The following SNAP25 variants were observed in gnomAD, a reference collection of about 807,000 sequenced individuals.
SNAP25 encodes the protein synaptosome associated protein 25.
SNAP25 carries 3 observed loss-of-function variants against 28.7 expected under a neutral mutation model. The ratio of observed to expected loss-of-function variants is 0.10; its 90% CI spans 0.05 to 0.27. SNAP25 has a LOEUF of 0.27. Ranked by LOEUF, SNAP25 falls within the 10% of genes least tolerant of loss-of-function variation. The pLI is 1.00. For missense variants in SNAP25, 117 were observed against 278.7 expected (o/e 0.42, Z 4.13); for synonymous variants, 61 against 88.1 (o/e 0.69, Z 1.72).
chr20:10,239,300 C>A (rs2062981694), intron 1 of SNAP25, among the ~76,000 whole-genome samples: 1 of 152,184 alleles, frequency 6.6e-6, no homozygotes, highest in African/African-American at 2.4e-5. Context: ...GAATTTCATG[C>A]ACACATATAT....
intron 1 of SNAP25, among the ~76,000 whole-genome samples, chr20:10,229,309 G>A (rs145255132): frequency 1.6e-3 from 243 of 152,178 alleles, no homozygotes; most frequent in African/African-American, 5.2e-3. Context: ...GTGTGCACAT[G>A]TGTTTTTGTA....
intron 7 of SNAP25, among the ~76,000 whole-genome samples, chr20:10,304,965 C>A (rs571018305): frequency 4.3e-4 from 66 of 152,278 alleles, no homozygotes; most frequent in Middle Eastern, 3.4e-3. Context: ...TAATTTTATA[C>A]AATTATGATT....
rs1278243837 is a variant in SNAP25, at chr20:10,275,560, T to C, written c.69T>C (p.Asp23=). Reference sequence around the variant, plus strand: ...AGCGAAGGGCTGACCAGTTGGCTGATGAGGTAAGGAGTGGAGACCTAGGAA... The same window carrying C: ...AGCGAAGGGCTGACCAGTTGGCTGACGAGGTAAGGAGTGGAGACCTAGGAA... ...EMQRRADQLA[D]ESLESTRRML... The change falls in exon 2 of 8, where the codon GAT becomes GAC. Residue 23 remains aspartate (D), a synonymous_variant. Transcript: ENST00000254976. 3 of 1,598,108 alleles carry C rather than the reference T, an allele frequency of 1.9e-6. No individual in the cohort carries two copies. Among genetic ancestry groups the C allele is most frequent in the East Asian group, 2.2e-5 (1 of 44,504 alleles).
chr20:10,226,922 G>A (rs942503534), intron 1 of SNAP25, among the ~76,000 whole-genome samples: 3 of 152,044 alleles, frequency 2.0e-5, no homozygotes, highest in African/African-American at 7.2e-5. Context: ...TGCCGCTCAT[G>A]GGAGGAAGGG....
chr20:10,290,574 T>C (rs1165591846), intron 4 of SNAP25, among the ~76,000 whole-genome samples: 1 of 151,908 alleles, frequency 6.6e-6, no homozygotes, highest in Non-Finnish European at 1.5e-5. Context: ...TTCACATATA[T>C]ATGTTACCTC....
intron 1 of SNAP25, among the ~76,000 whole-genome samples, chr20:10,226,285 G>A (rs984264893): frequency 1.3e-5 from 2 of 152,144 alleles, no homozygotes; most frequent in Non-Finnish European, 2.9e-5. Context: ...GCCTTGTTGA[G>A]TGAATTTTTT....
chr20:10,265,812 T>C (rs980093588), intron 1 of SNAP25, among the ~76,000 whole-genome samples: 1 of 152,128 alleles, frequency 6.6e-6, no homozygotes, highest in Admixed American at 6.5e-5. Flanking sequence ...CAGCCTAATA[T>C]GGAGATAATG....
At chr20:10,283,870 G>T (rs190545351) in intron 3 of SNAP25, among the ~76,000 whole-genome samples, 2 of 152,312 alleles carry the variant, frequency 1.3e-5, no homozygotes, top group Admixed American at 1.3e-4. Flanking sequence ...TTCTAGAAAT[G>T]AGGATTCTTA....
chr20:10,297,640 C>G (rs553739979), intron 6 of SNAP25, among the ~76,000 whole-genome samples: 7 of 152,302 alleles, frequency 4.6e-5, no homozygotes, highest in Non-Finnish European at 8.8e-5. Flanking sequence ...GCAATAGTTA[C>G]GACTGTGGGC....
chr20:10,250,280 G>A (rs1345417752), intron 1 of SNAP25, among the ~76,000 whole-genome samples: 1 of 152,112 alleles, frequency 6.6e-6, no homozygotes, highest in Non-Finnish European at 1.5e-5. Flanking sequence ...GGTCGTCCAG[G>A]GCATTTCTGA....
intron 1 of SNAP25, among the ~76,000 whole-genome samples, chr20:10,248,923 C>G (rs1275143429): frequency 6.6e-6 from 1 of 152,200 alleles, no homozygotes; most frequent in African/African-American, 2.4e-5. Flanking sequence ...GGTTCATCAA[C>G]CACTCTGCGA....
rs191555435 is a variant in SNAP25, at chr20:10,221,557, T to C, written c.-64+2580T>C. Among the ~76,000 whole-genome samples, 152 of 152,304 alleles carry C rather than the reference T, an allele frequency of 1.0e-3. 1 individual carries two copies. The highest frequency in any genetic ancestry group is 3.4e-3 in the African/African-American group (141 of 41,554). On this transcript the variant is annotated intron_variant, in intron 1 of 7. Transcript: ENST00000254976. Reference sequence around the variant, plus strand: ...ACACAGACCCTCTGATGCCTGTTTGTTCATCGGCATTTACTGCATTACCAC... The same window carrying C: ...ACACAGACCCTCTGATGCCTGTTTGCTCATCGGCATTTACTGCATTACCAC...
intron 3 of SNAP25, among the ~76,000 whole-genome samples, chr20:10,283,960 A>G (rs2063827122): frequency 6.6e-6 from 1 of 152,180 alleles, no homozygotes; most frequent in African/African-American, 2.4e-5. Flanking sequence ...TATTTGGTTT[A>G]TTTGAACAGT....
At chr20:10,232,634 C>T (rs1243869307) in intron 1 of SNAP25, among the ~76,000 whole-genome samples, 1 of 152,182 alleles carries the variant, frequency 6.6e-6, no homozygotes, top group Non-Finnish European at 1.5e-5. Context: ...TAGATTGTGC[C>T]TCCACCATAG....
At chr20:10,275,681 AAT>A in intron 2 of SNAP25, 118 bp downstream of exon 2, 1 of 759,802 alleles carries the variant, frequency 1.3e-6, no homozygotes, top group East Asian at 3.1e-5. Flanking sequence ...TAGAAAAAGT[AAT>A]ATGACTTTGA....
At chr20:10,291,073 AT>A (rs927912294) in intron 4 of SNAP25, among the ~76,000 whole-genome samples, 4 of 152,070 alleles carry the variant, frequency 2.6e-5, no homozygotes, top group Non-Finnish European at 4.4e-5. Context: ...ATTTTTTTTA[AT>A]TGTAATTTTT....
chr20:10,289,725 T>C (rs2063958917), intron 4 of SNAP25, among the ~76,000 whole-genome samples: 1 of 149,412 alleles, frequency 6.7e-6, no homozygotes, highest in Non-Finnish European at 1.5e-5. Flanking sequence ...ACTAGATTAA[T>C]AGTATTAATG....
chr20:10,270,083 G>A (rs1026712638), intron 1 of SNAP25, among the ~76,000 whole-genome samples: 3 of 151,638 alleles, frequency 2.0e-5, no homozygotes, highest in South Asian at 2.1e-4. Flanking sequence ...GAGAAACCCC[G>A]TCTCTACTAA....
chr20:10,276,869 C>A (rs1440070785), intron 2 of SNAP25, among the ~76,000 whole-genome samples: 1 of 152,204 alleles, frequency 6.6e-6, no homozygotes. Flanking sequence ...GGTAGTTAAA[C>A]CTTTACCAGC....
Sources: allele counts gnomAD v4.1 joint callset (sites outside exome capture counted in the v4.1 genomes callset), GRCh38; gene constraint gnomAD v4.1.1; transcripts MANE v1.5; gene names NCBI Gene and HGNC (gene_info 2026-07-23, HGNC 2026-07-21).